Variants in PCSK2 observed in about 807,000 individuals in gnomAD.
PCSK2 encodes the protein proprotein convertase subtilisin/kexin type 2.
A neutral mutation model predicts 69.7 loss-of-function variants in PCSK2; 14 were observed. The ratio of observed to expected loss-of-function variants is 0.20; its 90% CI spans 0.13 to 0.31. PCSK2 has a LOEUF of 0.31. PCSK2 is among the 10% of genes least tolerant of loss of function. PCSK2 has a pLI of 1.00. For synonymous variants in PCSK2, 307 were observed against 320.7 expected, an observed-to-expected ratio of 0.96 and a Z score of 0.46; for missense variants, 544 against 842.5, an observed-to-expected ratio of 0.65 and a Z score of 4.39.
chr20:17,359,210 C>T (rs986229945), intron 3 of PCSK2, among the ~76,000 whole-genome samples: 15 of 152,170 alleles, frequency 9.9e-5, no homozygotes, highest in East Asian at 5.8e-4. Context: ...GCCTTGTGGA[C>T]GGCTACATTA....
chr20:17,446,355 G>A (rs1447954717), intron 8 of PCSK2, among the ~76,000 whole-genome samples: 9 of 152,230 alleles, frequency 5.9e-5, no homozygotes, highest in Non-Finnish European at 1.2e-4. Context: ...CCCTACTCCC[G>A]CTGAACTACC....
chr20:17,239,808 A>C (rs1263564510), intron 1 of PCSK2, among the ~76,000 whole-genome samples: 1 of 149,308 alleles, frequency 6.7e-6, no homozygotes, highest in Non-Finnish European at 1.5e-5. Flanking sequence ...ATTCCAATAG[A>C]TAGATGAAAA....
chr20:17,273,074 T>C (rs1005250705), intron 2 of PCSK2, among the ~76,000 whole-genome samples: 5 of 152,128 alleles, frequency 3.3e-5, no homozygotes, highest in African/African-American at 1.2e-4. Context: ...AATGGGTAAT[T>C]GTTAATTTCA....
chr20:17,227,495 A>T lies in PCSK2; in HGVS notation c.177+13A>T. On this transcript the variant is annotated intron_variant, in intron 1 of 11. Transcript: ENST00000262545. ...TGGAGTCCGAAAGGTAAGCTCTCCC[A>T]TGCATTTCGCATGTTGTTTCAAAAC... 2 of 1,607,630 alleles carry T rather than the reference A, an allele frequency of 1.2e-6. No homozygotes were observed. The highest frequency in any genetic ancestry group is 1.7e-6 in the Non-Finnish European group (2 of 1,174,786).
At chr20:17,400,754 T>C (rs913071168) in intron 5 of PCSK2, among the ~76,000 whole-genome samples, 6 of 152,176 alleles carry the variant, frequency 3.9e-5, no homozygotes, top group Non-Finnish European at 8.8e-5. Context: ...TCTGTGCAAA[T>C]GGGAGCCCAC....
In PCSK2 at chr20:17,458,979, A is replaced by G. The variant is rs549799021; in HGVS notation, c.1202+2531A>G. Among the ~76,000 whole-genome samples, 7 of 152,228 alleles carry G rather than the reference A, an allele frequency of 4.6e-5. No individual in the cohort carries two copies. The South Asian group carries it at 1.3e-3, about 27-fold the overall frequency. On this transcript the variant is annotated intron_variant, in intron 10 of 11. Coordinates refer to ENST00000262545, the MANE Select transcript of PCSK2 (RefSeq NM_002594.5). The stretch of plus-strand genomic sequence containing the variant: ...TCTCTGTGGTCCTAGAGGGTGAGCT[A>G]GGCTCGAGGGGTAGATGTCATAAGA...
intron 6 of PCSK2, among the ~76,000 whole-genome samples, chr20:17,421,514 C>T (rs2032125927): frequency 6.6e-6 from 1 of 152,152 alleles, no homozygotes; most frequent in African/African-American, 2.4e-5. Flanking sequence ...ATGTCTAACA[C>T]TGGAGCTTCT....
At chr20:17,460,573 C>G (rs1025925101) in intron 10 of PCSK2, among the ~76,000 whole-genome samples, 2 of 152,180 alleles carry the variant, frequency 1.3e-5, no homozygotes, top group African/African-American at 4.8e-5. Flanking sequence ...TCTCTATTGT[C>G]TTATCAACAA....
At chr20:17,384,715 C>T (rs1345583362) in intron 5 of PCSK2, among the ~76,000 whole-genome samples, 3 of 152,120 alleles carry the variant, frequency 2.0e-5, no homozygotes. Context: ...GGGAGTATTG[C>T]TTGAGCCAGG....
At chr20:17,318,687 A>G (rs901572805) in intron 2 of PCSK2, among the ~76,000 whole-genome samples, 9 of 152,356 alleles carry the variant, frequency 5.9e-5, no homozygotes, top group South Asian at 2.1e-4. Context: ...CCACCCAACA[A>G]TCACCATCTG....
At chr20:17,279,020 T>C (rs1988204549) in intron 2 of PCSK2, among the ~76,000 whole-genome samples, 2 of 152,136 alleles carry the variant, frequency 1.3e-5, no homozygotes, top group Non-Finnish European at 2.9e-5. Context: ...GACTTCACGA[T>C]GTAGTGGTTG....
intron 1 of PCSK2, among the ~76,000 whole-genome samples, chr20:17,242,604 C>A (rs762818805): frequency 4.6e-5 from 7 of 152,206 alleles, no homozygotes; most frequent in Non-Finnish European, 7.3e-5. Flanking sequence ...AGCAATTGGT[C>A]TCTCGTTCTA....
At chr20:17,248,660 G>T (rs577688094) in intron 1 of PCSK2, among the ~76,000 whole-genome samples, 1 of 152,276 alleles carries the variant, frequency 6.6e-6, no homozygotes, top group South Asian at 2.1e-4. Context: ...CTCGTCAGAG[G>T]TTCAAATTTT....
At chr20:17,286,694 A>G (rs969832186) in intron 2 of PCSK2, among the ~76,000 whole-genome samples, 2 of 152,168 alleles carry the variant, frequency 1.3e-5, no homozygotes, top group African/African-American at 2.4e-5. Context: ...TCAGGAATCC[A>G]GTAAGAATTT....
intron 2 of PCSK2, among the ~76,000 whole-genome samples, chr20:17,336,672 A>C (rs537088230): frequency 3.9e-5 from 6 of 152,294 alleles, no homozygotes; most frequent in Admixed American, 2.0e-4. Context: ...AGATTCAAAA[A>C]CTACACATCA....
chr20:17,253,996 T>C (rs1987086858), intron 1 of PCSK2, among the ~76,000 whole-genome samples: 2 of 152,240 alleles, frequency 1.3e-5, no homozygotes, highest in Non-Finnish European at 2.9e-5. Context: ...TGTATGTTTA[T>C]AGGCCATTTT....
chr20:17,347,466 A>T (rs1990680390), intron 2 of PCSK2, among the ~76,000 whole-genome samples: 1 of 152,002 alleles, frequency 6.6e-6, no homozygotes, highest in African/African-American at 2.4e-5. Context: ...CATCACTTCC[A>T]TCAATCGCTT....
At chr20:17,245,852 C>T (rs939115789) in intron 1 of PCSK2, among the ~76,000 whole-genome samples, 5 of 152,102 alleles carry the variant, frequency 3.3e-5, no homozygotes, top group Admixed American at 6.6e-5. Context: ...TGGAGGAGCA[C>T]GTACCCTCCA....
At chr20:17,304,556 C>T (rs1427835261) in intron 2 of PCSK2, among the ~76,000 whole-genome samples, 1 of 152,152 alleles carries the variant, frequency 6.6e-6, no homozygotes, top group African/African-American at 2.4e-5. Flanking sequence ...GATTCTTTTC[C>T]TCACTTTTTC....
Sources: allele counts gnomAD v4.1 joint callset (sites outside exome capture counted in the v4.1 genomes callset), GRCh38; gene constraint gnomAD v4.1.1; transcripts MANE v1.5; gene names NCBI Gene and HGNC (gene_info 2026-07-23, HGNC 2026-07-21).